PURG: variants seen among roughly 807,000 people sequenced by gnomAD.
PURG encodes the protein purine rich element binding protein G.
PURG carries 3 observed loss-of-function variants against 24.3 expected under a neutral mutation model. The observed-to-expected ratio is 0.12, with a 90% confidence interval of 0.06 to 0.32. The LOEUF (loss-of-function observed/expected upper bound fraction) is 0.32. PURG is among the 10% of genes least tolerant of loss of function. The probability of loss-of-function intolerance (pLI) is 1.00; values close to 1 mark genes in which losing one functional copy is unlikely to be tolerated. For synonymous variants in PURG, 180 were observed against 173.1 expected, an observed-to-expected ratio of 1.04 and a Z score of -0.31; for missense variants, 371 against 439.1, an observed-to-expected ratio of 0.84 and a Z score of 1.39.
intron 1 of PURG, among the ~76,000 whole-genome samples, chr8:31,024,952 A>G (rs968190798): frequency 6.6e-6 from 1 of 152,170 alleles, no homozygotes; most frequent in Non-Finnish European, 1.5e-5. Flanking sequence ...TAAGTTTAAG[A>G]GGGTAAAATG....
Position 31,032,706 on chromosome 8 carries a change from C to A in PURG, c.77G>T (p.Ser26Ile). 6.6e-7 allele frequency: 1 copy of A among 1,506,978 alleles called. No individual in the cohort carries two copies. The allele number at this position is 1,506,978 out of a possible 1,614,324, so 93.4% of individuals were successfully genotyped here. ...GGKNVGGSGL[S>I]KSRLYPQAQH... ...GGCCTGGGGATAGAGTCTACTCTTG[C>A]TTAGGCCAGAGCCCCCTACATTCTT... is the stretch of plus-strand genomic sequence containing the variant. Residue 26 changes from serine to isoleucine, a missense_variant, in exon 2 of 2, where the codon AGC becomes ATC. By Grantham distance (142) the Ser-to-Ile change is moderately radical (BLOSUM62 -2). Around this residue, in one of 5 missense-constraint regions of PURG, gnomAD observed 213 missense variants for 230.6 expected, o/e 0.92. Coordinates refer to ENST00000523392, the MANE Select transcript of PURG (RefSeq NM_001323311.2). The surrounding 1 kb of genome is among the most constrained non-coding windows in gnomAD (Gnocchi z 5.9).
At chr8:31,016,950 T>C (rs1346656214) in intron 1 of PURG, among the ~76,000 whole-genome samples, 2 of 152,150 alleles carry the variant, frequency 1.3e-5, no homozygotes, top group Non-Finnish European at 2.9e-5. Context: ...ATAGTGGAGA[T>C]GCTCTGCTCT....
intron 1 of PURG, among the ~76,000 whole-genome samples, chr8:31,000,812 A>G (rs1192554704): frequency 6.6e-6 from 1 of 152,166 alleles, no homozygotes; most frequent in Non-Finnish European, 1.5e-5. Flanking sequence ...AATGGGATAT[A>G]AATTGGCATC....
At chr8:31,008,308 T>C (rs1810695364) in intron 1 of PURG, among the ~76,000 whole-genome samples, 1 of 152,266 alleles carries the variant, frequency 6.6e-6, no homozygotes, top group Admixed American at 6.5e-5. Flanking sequence ...TTTAACTTTC[T>C]GTTTTTTGAG....
intron 1 of PURG, among the ~76,000 whole-genome samples, chr8:31,011,061 A>G (rs1810751568): frequency 6.6e-6 from 1 of 152,234 alleles, no homozygotes; most frequent in Admixed American, 6.5e-5. Flanking sequence ...TGGCTAAGAC[A>G]TTGGTGAGAT....
intron 1 of PURG, among the ~76,000 whole-genome samples, chr8:31,008,169 ATGT>A (rs1810691887): frequency 1.3e-5 from 2 of 152,280 alleles, no homozygotes; most frequent in African/African-American, 4.8e-5. Context: ...ACTTTGCATA[ATGT>A]TGTTATACTT....
downstream of PURG, among the ~76,000 whole-genome samples, chr8:31,030,178 T>A (rs929389933): frequency 6.6e-6 from 1 of 152,030 alleles, no homozygotes; most frequent in Non-Finnish European, 1.5e-5. Flanking sequence ...ATCGCTGATA[T>A]AATTTTAAAT....
chr8:31,021,963 ATTTC>A (rs1477288531), intron 1 of PURG, among the ~76,000 whole-genome samples: 429 of 146,120 alleles, frequency 2.9e-3, no homozygotes, highest in African/African-American at 0.01. Context: ...GACCAAATTC[ATTTC>A]TTTCTTTTTT....
chr8:31,015,327 A>AT (rs906418167), intron 1 of PURG, among the ~76,000 whole-genome samples: 4 of 152,124 alleles, frequency 2.6e-5, no homozygotes, highest in African/African-American at 7.2e-5. Context: ...TATGCTATGC[A>AT]TTTTTTTAAC....
chr8:31,018,292 G>A (rs1810913085), intron 1 of PURG, among the ~76,000 whole-genome samples: 1 of 152,208 alleles, frequency 6.6e-6, no homozygotes, highest in Admixed American at 6.5e-5. Flanking sequence ...GAAGGCAAAA[G>A]TTCCAATGAT....
rs1436286284 is a variant in PURG, at chr8:31,033,129, C to T, written c.-58G>A. On this transcript the variant is annotated 5_prime_UTR_variant, in exon 1 of 2. Transcript: ENST00000523392. The stretch of plus-strand genomic sequence containing the variant: ...CGATGCCCTTCACGACCACCGCCGC[C>T]GCCACCGCCAGCTCTCGGCCCCTCT... 1.3e-5 allele frequency: 3 copies of T among 222,448 alleles called. No homozygotes were observed. The highest frequency in any genetic ancestry group is 2.6e-5 in the Non-Finnish European group (3 of 114,682). The allele number at this position is 222,448 out of a possible 1,614,324, so 13.8% of individuals were successfully genotyped here.
chr8:31,021,635 G>A (rs919237116), intron 1 of PURG, among the ~76,000 whole-genome samples: 5 of 152,084 alleles, frequency 3.3e-5, no homozygotes, highest in African/African-American at 1.2e-4. Flanking sequence ...GAGTTGGAAG[G>A]ATCAGCTTCA....
chr8:31,013,070 C>T (rs1241570137), intron 1 of PURG, among the ~76,000 whole-genome samples: 1 of 152,026 alleles, frequency 6.6e-6, no homozygotes, highest in Non-Finnish European at 1.5e-5. Flanking sequence ...AAAACATTTG[C>T]ATCAAATAAA....
chr8:31,011,477 A>G (rs1225144968), intron 1 of PURG, among the ~76,000 whole-genome samples: 1 of 152,250 alleles, frequency 6.6e-6, no homozygotes, highest in Non-Finnish European at 1.5e-5. Context: ...GTATTTCTCT[A>G]AATCTGCATC....
intron 1 of PURG, among the ~76,000 whole-genome samples, chr8:31,021,985 T>C (rs1478018064): frequency 2.0e-5 from 3 of 151,444 alleles, no homozygotes; most frequent in African/African-American, 7.3e-5. Context: ...TTTTTTTTTT[T>C]TTTGAGATGG....
At chr8:31,021,599 G>A (rs969711164) in intron 1 of PURG, among the ~76,000 whole-genome samples, 2 of 152,268 alleles carry the variant, frequency 1.3e-5, no homozygotes, top group Middle Eastern at 3.4e-3. Context: ...GTATAGTGGC[G>A]GCTGGGGGTA....
chr8:31,008,444 C>T (rs1810699483), intron 1 of PURG, among the ~76,000 whole-genome samples: 2 of 152,128 alleles, frequency 1.3e-5, no homozygotes, highest in Non-Finnish European at 2.9e-5. Context: ...GCTGGGATTA[C>T]AGCTGCGTGC....
chr8:31,021,271 C>A (rs1287330056), intron 1 of PURG, among the ~76,000 whole-genome samples: 6 of 152,084 alleles, frequency 3.9e-5, no homozygotes, highest in Non-Finnish European at 7.4e-5. Flanking sequence ...GTTTTTGGTT[C>A]ATGAAAATGA....
At chr8:31,001,953 A>G (rs1276976710) in intron 1 of PURG, among the ~76,000 whole-genome samples, 1 of 152,246 alleles carries the variant, frequency 6.6e-6, no homozygotes, top group Non-Finnish European at 1.5e-5. Context: ...AACTACTTCT[A>G]AAACTCTGAA....
Sources: gnomAD v4.1 joint callset for allele counts (sites outside exome capture counted in the v4.1 genomes callset) on GRCh38, gnomAD v4.1.1 for gene constraint, gnomAD v4.1.1 regional missense constraint, Gnocchi (gnomAD v3.1) non-coding constraint, MANE v1.5 for transcripts, NCBI Gene and HGNC (gene_info 2026-07-23, HGNC 2026-07-21) for gene names.